NUDT12: variants seen among roughly 807,000 people sequenced by gnomAD.
NUDT12 encodes the protein NAD-capped RNA hydrolase NUDT12.
In NUDT12, 42 loss-of-function variants were observed where a neutral mutation model predicts 45.7. That is an observed-to-expected ratio of 0.92 (90% CI 0.72 to 1.19). The LOEUF (loss-of-function observed/expected upper bound fraction) is 1.19. NUDT12 is among the 50% of genes most tolerant of loss of function. The pLI, the probability that NUDT12 is intolerant of heterozygous loss-of-function variation, is 0.00. For synonymous variants in NUDT12, 206 were observed against 179.7 expected (o/e 1.15, Z -1.17); for missense variants, 590 against 533.1 (o/e 1.11, Z -1.05).
intron 5 of NUDT12, among the ~76,000 whole-genome samples, chr5:103,553,332 T>C (rs1440203220): frequency 2.6e-5 from 4 of 151,970 alleles, no homozygotes; most frequent in Non-Finnish European, 5.9e-5. Flanking sequence ...AGGTAAAAGA[T>C]AAACATCTAA....
intron 6 of NUDT12, among the ~76,000 whole-genome samples, chr5:103,551,352 A>C (rs995821361): frequency 6.6e-6 from 1 of 152,044 alleles, no homozygotes; most frequent in Non-Finnish European, 1.5e-5. Context: ...GGGCTCAATC[A>C]AGCTTCCTGC....
At chr5:103,559,760 A>T (rs79699409) in intron 2 of NUDT12, 37,921 of 479,910 alleles carry the variant, frequency 0.079, 1,769 homozygotes, top group Non-Finnish European at 0.099. Flanking sequence ...TTCTACAAGA[A>T]GTCCTTGGTA....
chr5:103,551,028 T>G (rs1748641050), intron 6 of NUDT12, 57 bp from the exon 7 acceptor site: 10 of 1,156,454 alleles, frequency 8.6e-6, no homozygotes, highest in Non-Finnish European at 1.3e-5. Flanking sequence ...ATTTAAATAC[T>G]ATTCCCATGT....
rs147862102 is a variant in NUDT12 at position 103,554,501 on chromosome 5, A to G, written c.1078+239T>C. ...CTGGGTCAAGAGCAACATATCAAAGAGCAAATACTGAATTTTTAACAAAGC... is the reference window on the plus strand; with the variant it reads ...CTGGGTCAAGAGCAACATATCAAAGGGCAAATACTGAATTTTTAACAAAGC... On this transcript the variant is annotated intron_variant, in intron 5 of 6. Coordinates refer to ENST00000230792, the MANE Select transcript of NUDT12 (RefSeq NM_031438.4). 3.2e-3 allele frequency: 701 copies of G among 222,476 alleles called. 6 individuals are homozygous for G. Among genetic ancestry groups the G allele is most frequent in the African/African-American group, 0.015 (671 of 43,672 alleles). 13.8% of individuals were successfully genotyped at this position (222,476 alleles called of 1,614,324 possible). A position where few individuals can be genotyped will look rare whatever the true frequency, so the allele number is the denominator to read the frequency against.
chr5:103,557,425 A>G (rs1438951210), intron 3 of NUDT12, among the ~76,000 whole-genome samples: 1 of 151,448 alleles, frequency 6.6e-6, no homozygotes, highest in Non-Finnish European at 1.5e-5. Context: ...AAGGACCTCT[A>G]TCACCTAAGG....
chr5:103,559,243 G>C lies in NUDT12; in HGVS notation c.432C>G (p.Ser144Arg), dbSNP rs1298740993. The change falls in exon 3 of 7, where the codon AGC (serine) becomes AGG (arginine). Residue 144 changes from serine (S) to arginine (R), a missense_variant. By Grantham distance (110) the Ser-to-Arg change is moderately radical. Transcript: ENST00000230792. ...NNSDWLLAKESHPATVFILFS... is the reference protein window; with the variant it reads ...NNSDWLLAKERHPATVFILFS... Reference sequence around the variant, plus strand: ...AAAGAATAAAAACTGTGGCTGGATGGCTTTCTTTAGCTAGCAGCCAGTCAG... The same window carrying C: ...AAAGAATAAAAACTGTGGCTGGATGCCTTTCTTTAGCTAGCAGCCAGTCAG... The C allele has an allele frequency of 6.3e-7, 1 of 1,578,430 alleles. No homozygotes were observed. The highest frequency in any genetic ancestry group is 1.2e-5 in the South Asian group (1 of 84,206).
Position 103,552,406 on chromosome 5 carries a change from T to C in NUDT12, c.1089A>G (p.Ile363Met). 6.2e-7 allele frequency: 1 copy of C among 1,613,510 alleles called. No homozygotes were observed. The highest frequency in any genetic ancestry group is 8.5e-7 in the Non-Finnish European group (1 of 1,179,590). Reference sequence around the variant, plus strand: ...CTACTTCTCTCCTAACAGCATCTTCTATTGTCTCTCCTAATGAAATGGAGC... The same window carrying C: ...CTACTTCTCTCCTAACAGCATCTTCCATTGTCTCTCCTAATGAAATGGAGC... ...LAGFIEPGET[I>M]EDAVRREVEE... The change falls in exon 6 of 7, where the codon ATA (isoleucine) becomes ATG (methionine). Residue 363 changes from isoleucine to methionine, a missense_variant. Coordinates refer to ENST00000230792, the MANE Select transcript of NUDT12 (RefSeq NM_031438.4).
intron 4 of NUDT12, among the ~76,000 whole-genome samples, chr5:103,555,463 C>G (rs1212439726): frequency 2.0e-5 from 3 of 152,014 alleles, no homozygotes; most frequent in Non-Finnish European, 4.4e-5. Flanking sequence ...TCAGGTGTTG[C>G]TGAGCCTATC....
intron 6 of NUDT12, among the ~76,000 whole-genome samples, chr5:103,551,945 G>C (rs567771863): frequency 7.9e-5 from 12 of 152,102 alleles, no homozygotes; most frequent in African/African-American, 2.7e-4. Context: ...CCCACTGATA[G>C]GTATTATTAT....
chr5:103,560,970 G>A (rs1161872381), intron 1 of NUDT12, among the ~76,000 whole-genome samples: 1 of 151,452 alleles, frequency 6.6e-6, no homozygotes, highest in African/African-American at 2.4e-5. Context: ...TGTTTCGGTG[G>A]GGTAAACCCT....
At chr5:103,555,303 T>C (rs1489647718) in intron 4 of NUDT12, among the ~76,000 whole-genome samples, 1 of 152,058 alleles carries the variant, frequency 6.6e-6, no homozygotes, top group Non-Finnish European at 1.5e-5. Flanking sequence ...TAAATAAAAT[T>C]TAAATAACAG....
intron 3 of NUDT12, among the ~76,000 whole-genome samples, chr5:103,556,665 CA>C (rs1748831312): frequency 6.6e-6 from 1 of 151,774 alleles, no homozygotes; most frequent in Non-Finnish European, 1.5e-5. Flanking sequence ...CTTTGTTTAC[CA>C]AAAAATGCCT....
Position 103,554,743 on chromosome 5 carries a change from G to A in NUDT12, c.1075C>T (p.Pro359Ser), listed in dbSNP as rs1286648906. 1.5e-6 allele frequency: 2 copies of A among 1,364,436 alleles called. No individual in the cohort carries two copies. The highest frequency in any genetic ancestry group is 5.2e-5 in the East Asian group (2 of 38,498). 84.5% of individuals were successfully genotyped at this position (1,364,436 alleles called of 1,614,324 possible). A position where few individuals can be genotyped will look rare whatever the true frequency, so the allele number is the denominator to read the frequency against. The part of the protein sequence containing the change: ...MFTCLAGFIE[P>S]GETIEDAVRR... ...AAATTATTAAGAAATGGCTTACCAG[G>A]CTCAATAAATCCAGCAAGGCAAGTA... is the stretch of plus-strand genomic sequence containing the variant. Residue 359 changes from proline (P) to serine (S), a missense_variant, in exon 5 of 7, where the codon CCT becomes TCT. Physicochemically the swap from Pro to Ser is moderately conservative, Grantham distance 74 (BLOSUM62 -1). Transcript: ENST00000230792.
rs1211738709 is a variant in NUDT12 at position 103,556,006 on chromosome 5, C to CCT, written c.888_889insAG (p.Gly297ArgfsTer8). On this transcript the variant is annotated frameshift_variant, in exon 4 of 7. Transcript: ENST00000230792. LOFTEE classifies it high-confidence loss of function. ...TCTTTTAAACATAATCTCTTATAGC[C>CCT]ACCTTCTTCAATTTTAGTTGCATTT... The CCT allele has an allele frequency of 6.2e-7, 1 of 1,611,358 alleles. No individual in the cohort carries two copies. Among genetic ancestry groups the CCT allele is most frequent in the East Asian group, 2.2e-5 (1 of 44,818 alleles).
At chr5:103,562,341 T>G (rs1749059536) in intron 1 of NUDT12, among the ~76,000 whole-genome samples, 1 of 152,110 alleles carries the variant, frequency 6.6e-6, no homozygotes, top group Non-Finnish European at 1.5e-5. Flanking sequence ...ACCAATTAAG[T>G]GCCACCCGTG....
intron 1 of NUDT12, among the ~76,000 whole-genome samples, chr5:103,560,481 T>A (rs1748999404): frequency 6.6e-6 from 1 of 151,608 alleles, no homozygotes. Flanking sequence ...AAATAATGAA[T>A]AAAGAGCTCT....
chr5:103,555,008 T>C (rs1580693768), intron 4 of NUDT12, among the ~76,000 whole-genome samples, 155 bp from the exon 5 acceptor site: 2 of 152,206 alleles, frequency 1.3e-5, no homozygotes, highest in South Asian at 2.1e-4. Context: ...TGCCCTAATG[T>C]AGCTGATAAT....
rs1748604118 is a variant in NUDT12, at chr5:103,550,069, G to GT, written c.*791dup. On this transcript the variant is annotated 3_prime_UTR_variant, in exon 7 of 7. Transcript: ENST00000230792. The stretch of plus-strand genomic sequence containing the variant: ...GACCTTTGAGGAGAATTCCTTTCAA[G>GT]TTTAATTTCAGTGCAAAAGCAGAGA... The GT allele has an allele frequency of 6.6e-6, 1 of 152,112 alleles. No homozygotes were observed. Among genetic ancestry groups the GT allele is most frequent in the Admixed American group, 6.6e-5 (1 of 15,252 alleles). The allele number at this position is 152,112 out of a possible 1,614,324, so 9.4% of individuals were successfully genotyped here.
At chr5:103,556,244 T>C (rs1748816377) in intron 3 of NUDT12, 146 bp from the exon 4 acceptor site, 1 of 508,764 alleles carries the variant, frequency 2.0e-6, no homozygotes, top group African/African-American at 2.0e-5. Context: ...ATTCTTCTTT[T>C]AAAGTAAAAG....
Sources: gnomAD v4.1 joint callset for allele counts (sites outside exome capture counted in the v4.1 genomes callset) on GRCh38, gnomAD v4.1.1 for gene constraint, MANE v1.5 for transcripts, NCBI Gene and HGNC (gene_info 2026-07-23, HGNC 2026-07-21) for gene names.